The following NAT10 variants were observed in gnomAD, a reference collection of about 807,000 sequenced individuals.
NAT10 encodes the protein RNA cytidine acetyltransferase.
NAT10 carries 109 observed loss-of-function variants against 132.2 expected under a neutral mutation model. The ratio of observed to expected loss-of-function variants is 0.82; its 90% CI spans 0.71 to 0.97. The LOEUF is 0.97. NAT10 is among the 50% of genes least tolerant of loss of function. The pLI is 0.00. For missense variants in NAT10, 1,184 were observed against 1,263.4 expected, an observed-to-expected ratio of 0.94 and a Z score of 0.95; for synonymous variants, 479 against 478.0, an observed-to-expected ratio of 1.00 and a Z score of -0.03.
At position 34,134,596 on chromosome 11, in the gene NAT10, C is replaced by T. The variant is rs546648176; in HGVS notation, c.1911+10C>T. 1.9e-6 allele frequency: 3 copies of T among 1,613,832 alleles called. No individual in the cohort carries two copies. The highest frequency in any genetic ancestry group is 3.3e-5 in the Admixed American group (2 of 60,014). On this transcript the variant is annotated intron_variant, in intron 18 of 28. Coordinates refer to ENST00000257829, the MANE Select transcript of NAT10 (RefSeq NM_024662.3). Reference sequence around the variant, plus strand: ...CCCAGATTATCAAGGGGTAATGTGTCCTCAGGCTCCCCTGAAGCCGTGTTG... The same window carrying T: ...CCCAGATTATCAAGGGGTAATGTGTTCTCAGGCTCCCCTGAAGCCGTGTTG...
At chr11:34,114,609 C>G (rs537991940) in intron 5 of NAT10, among the ~76,000 whole-genome samples, 1 of 152,226 alleles carries the variant, frequency 6.6e-6, no homozygotes, top group Non-Finnish European at 1.5e-5. Context: ...GCACACACTC[C>G]TGCGAGGGCC....
rs1318995518 is a variant in NAT10, at chr11:34,108,364, T to C, written c.108+31T>C. The C allele has an allele frequency of 6.5e-6, 10 of 1,536,074 alleles. No homozygotes were observed. In the Admixed American group the frequency reaches 1.7e-4, roughly 26 times the overall value. On this transcript the variant is annotated intron_variant, in intron 2 of 28. Transcript: ENST00000257829. Reference sequence around the variant, plus strand: ...GCCTGGTAAATGCTTCCTGAATTACTTTTTATCTTGTCCAAAGAATCAGCA... The same window carrying C: ...GCCTGGTAAATGCTTCCTGAATTACCTTTTATCTTGTCCAAAGAATCAGCA...
intron 12 of NAT10, among the ~76,000 whole-genome samples, chr11:34,128,093 C>T (rs1852031822): frequency 6.6e-6 from 1 of 151,988 alleles, no homozygotes; most frequent in African/African-American, 2.4e-5. Context: ...CAGTGGCTCA[C>T]ACCTGTAATC....
intron 14 of NAT10, 58 bp from the exon 15 acceptor site, chr11:34,132,067 G>A (rs1047745101): frequency 1.6e-6 from 2 of 1,269,174 alleles, no homozygotes; most frequent in Non-Finnish European, 2.3e-6. Context: ...CCTCCAGAGA[G>A]TAGTATGACC....
intron 15 of NAT10, among the ~76,000 whole-genome samples, 192 bp from the exon 16 acceptor site, chr11:34,132,834 A>G (rs1302233697): frequency 6.6e-6 from 1 of 152,220 alleles, no homozygotes; most frequent in Non-Finnish European, 1.5e-5. Context: ...ATTTGAGGCT[A>G]AGTTCCACTT....
At chr11:34,111,347 G>T (rs1459554067) in intron 3 of NAT10, among the ~76,000 whole-genome samples, 1 of 152,222 alleles carries the variant, frequency 6.6e-6, no homozygotes, top group Non-Finnish European at 1.5e-5. Flanking sequence ...CCCACAGGAG[G>T]AAAGGCCTTT....
chr11:34,115,512 A>G (rs1851769837), intron 5 of NAT10, among the ~76,000 whole-genome samples: 1 of 152,262 alleles, frequency 6.6e-6, no homozygotes, highest in East Asian at 1.9e-4. Context: ...CCATGAGAAC[A>G]GAGGTCATGC....
chr11:34,111,785 C>T (rs1851699253), intron 3 of NAT10, among the ~76,000 whole-genome samples: 1 of 152,196 alleles, frequency 6.6e-6, no homozygotes, highest in Admixed American at 6.5e-5. Context: ...CCCTATTACC[C>T]ATCTTTTAAA....
Position 34,141,079 on chromosome 11 carries a change from C to A in NAT10, c.2593-10C>A, listed in dbSNP as rs538117890. The A allele has an allele frequency of 5.6e-6, 9 of 1,613,978 alleles. No individual in the cohort carries two copies. The highest frequency in any genetic ancestry group is 1.6e-4 in the Middle Eastern group (1 of 6,062). On this transcript the variant is annotated splice_polypyrimidine_tract_variant and intron_variant, in intron 24 of 28. Coordinates refer to ENST00000257829, the MANE Select transcript of NAT10 (RefSeq NM_024662.3). ...CTAGAGGCCCACCCAGCAGATTTTC[C>A]ATCCTTTAGGCTCTTCTCTTGGGGA...
intron 9 of NAT10, 21 bp downstream of exon 9, chr11:34,122,613 A>G (rs766310851): frequency 1.2e-6 from 2 of 1,612,788 alleles, no homozygotes; most frequent in Non-Finnish European, 1.7e-6. Flanking sequence ...TCAGTCCCCC[A>G]TCTTTAGGAA....
In NAT10 at chr11:34,141,218, G is replaced by A. The variant is rs1565120013; in HGVS notation, c.2712+10G>A. 1 of 1,613,932 alleles carries A rather than the reference G, an allele frequency of 6.2e-7. No homozygotes were observed. The highest frequency in any genetic ancestry group is 8.5e-7 in the Non-Finnish European group (1 of 1,179,968). On this transcript the variant is annotated intron_variant, in intron 25 of 28. Coordinates refer to ENST00000257829, the MANE Select transcript of NAT10 (RefSeq NM_024662.3). ...CCGCAAAGTTGTGAAGGTAACCTCA[G>A]CCTGAGGGCAGGGGCTTGATGTCTC...
rs377407633 is a variant in NAT10 at position 34,141,805 on chromosome 11, C to T, written c.2799C>T (p.Leu933=). Residue 933 remains leucine, a synonymous_variant, in exon 26 of 29, where the codon CTC becomes CTT. Coordinates refer to ENST00000257829, the MANE Select transcript of NAT10 (RefSeq NM_024662.3). The stretch of plus-strand genomic sequence containing the variant: ...TCATGGAGCCCACGATGAAGACCCT[C>T]AGTGACGACCTAGTATGTCCCTGCT... ...DVVMEPTMKT[L]SDDLDEAAKE... is the part of the protein sequence containing the mutation. 4.3e-6 allele frequency: 7 copies of T among 1,613,698 alleles called. No individual in the cohort carries two copies. The highest frequency in any genetic ancestry group is 5.9e-6 in the Non-Finnish European group (7 of 1,179,962).
intron 13 of NAT10, 39 bp downstream of exon 13, chr11:34,130,976 A>G: frequency 6.2e-7 from 1 of 1,610,568 alleles, no homozygotes; most frequent in Non-Finnish European, 8.5e-7. Context: ...GGTTCACAGC[A>G]AGGCCCTTCA....
chr11:34,109,953 C>T lies in NAT10; in HGVS notation c.200+1120C>T, dbSNP rs563136738. ...TTCCCAAAATTCTGGTGGAAAAATG[C>T]CCACACCTGGCCAGAGGAGGGTGGG... On this transcript the variant is annotated intron_variant, in intron 3 of 28. Transcript: ENST00000257829. Among the ~76,000 whole-genome samples, 4 of 152,238 alleles carry T rather than the reference C, an allele frequency of 2.6e-5. No individual in the cohort carries two copies. The South Asian group carries it at 6.2e-4, about 24-fold the overall frequency.
At chr11:34,131,279 C>A in intron 13 of NAT10, 102 bp from the exon 14 acceptor site, 1 of 1,448,060 alleles carries the variant, frequency 6.9e-7, no homozygotes, top group Non-Finnish European at 9.3e-7. Context: ...CGTCTCTGGC[C>A]ACCATGGGAC....
At chr11:34,112,344 C>A in intron 4 of NAT10, 121 bp downstream of exon 4, 1 of 1,180,402 alleles carries the variant, frequency 8.5e-7, no homozygotes, top group Non-Finnish European at 1.2e-6. Context: ...TCCCTATGCC[C>A]AAGCATTATT....
At chr11:34,112,413 G>A (rs1472170303) in intron 4 of NAT10, among the ~76,000 whole-genome samples, 190 bp downstream of exon 4, 1 of 152,226 alleles carries the variant, frequency 6.6e-6, no homozygotes, top group Admixed American at 6.5e-5. Context: ...TATAAAAAGA[G>A]AATTTTAAAT....
chr11:34,131,559 T>C, intron 14 of NAT10, 28 bp downstream of exon 14: 1 of 1,590,574 alleles, frequency 6.3e-7, no homozygotes, highest in South Asian at 1.1e-5. Flanking sequence ...TCACTGGCCC[T>C]GTGAAAAGGA....
chr11:34,116,166 T>C (rs58755000), intron 6 of NAT10, among the ~76,000 whole-genome samples: 15,533 of 152,230 alleles, frequency 0.1, 860 homozygotes, highest in African/African-American at 0.15. Flanking sequence ...ATCTTTTAAA[T>C]GAGTGATTTT....
Sources: gnomAD v4.1 joint callset for allele counts (sites outside exome capture counted in the v4.1 genomes callset) on GRCh38, gnomAD v4.1.1 for gene constraint, MANE v1.5 for transcripts, NCBI Gene and HGNC (gene_info 2026-07-23, HGNC 2026-07-21) for gene names.